SERINC5: variants seen among roughly 807,000 people sequenced by gnomAD.
The protein encoded by SERINC5 is chromosome 5 open reading frame 12.
A neutral mutation model predicts 63.1 loss-of-function variants in SERINC5; 41 were observed. That is an observed-to-expected ratio of 0.65 (90% CI 0.51 to 0.84). SERINC5 has a LOEUF of 0.84. Ranked by LOEUF, SERINC5 falls within the 40% of genes least tolerant of loss-of-function variation. The pLI is 0.00. For missense variants in SERINC5, 523 were observed against 573.0 expected, an observed-to-expected ratio of 0.91 and a Z score of 0.89; for synonymous variants, 222 against 215.2, an observed-to-expected ratio of 1.03 and a Z score of -0.28.
chr5:80,235,759 G>A (rs1751659174), intron 1 of SERINC5, among the ~76,000 whole-genome samples: 2 of 152,134 alleles, frequency 1.3e-5, no homozygotes, highest in South Asian at 2.1e-4. Context: ...ACCGCGCCTG[G>A]CTGAATTGTA....
At chr5:80,245,502 A>T (rs1752130594) in intron 1 of SERINC5, among the ~76,000 whole-genome samples, 2 of 152,212 alleles carry the variant, frequency 1.3e-5, no homozygotes, top group South Asian at 4.1e-4. Context: ...GCACAGTCTC[A>T]TAGGCTAGCA....
intron 1 of SERINC5, among the ~76,000 whole-genome samples, chr5:80,206,690 C>T (rs1472495964): frequency 6.6e-6 from 1 of 152,098 alleles, no homozygotes; most frequent in Non-Finnish European, 1.5e-5. Flanking sequence ...GACCTCTTTC[C>T]ACTCACATGC....
rs543132997 is a variant in SERINC5, at chr5:80,121,044, C to T, written c.1239-7419G>A. 2.3e-3 allele frequency among the ~76,000 whole-genome samples: 352 copies of T among 152,146 alleles called. 3 individuals are homozygous for T. The highest frequency in any genetic ancestry group is 8.2e-3 in the African/African-American group (341 of 41,562). On this transcript the variant is annotated intron_variant, in intron 11 of 12. Transcript: ENST00000509193. The stretch of plus-strand genomic sequence containing the variant: ...CTGGGACTATAGGCATGTGCCACCA[C>T]ACCTGGCTAATTTTATATTTTTAGT...
chr5:80,236,634 TC>T (rs1373561567), intron 1 of SERINC5, among the ~76,000 whole-genome samples: 7 of 151,548 alleles, frequency 4.6e-5, no homozygotes, highest in African/African-American at 1.7e-4. Context: ...CAAGCAATTC[TC>T]CTGCCTCAGT....
At chr5:80,171,014 A>G (rs183591429) in intron 5 of SERINC5, among the ~76,000 whole-genome samples, 20 of 151,880 alleles carry the variant, frequency 1.3e-4, no homozygotes, top group Admixed American at 1.2e-3. Context: ...TAAATTTTTT[A>G]TTTTATTTTT....
At chr5:80,224,014 T>C (rs1393364945) in intron 1 of SERINC5, among the ~76,000 whole-genome samples, 3 of 150,140 alleles carry the variant, frequency 2.0e-5, no homozygotes, top group Non-Finnish European at 4.4e-5. Context: ...GCGCCTGTAA[T>C]CCTAGCTACT....
At position 80,141,502 on chromosome 5, in the gene SERINC5, G is replaced by A. The variant is rs960841174; in HGVS notation, c.*2161C>T. ...CACCAGCTGGCAGCCAGACCCAGCC[G>A]AGAGGACAAAGCAAGGGCTCTGCTA... On this transcript the variant is annotated 3_prime_UTR_variant, in exon 12 of 12. Transcript: ENST00000507668. 4 of 985,432 alleles carry A rather than the reference G, an allele frequency of 4.1e-6. No homozygotes were observed. Among genetic ancestry groups the A allele is most frequent in the African/African-American group, 1.7e-5 (1 of 57,260 alleles). The allele number at this position is 985,432 out of a possible 1,614,324, so 61.0% of individuals were successfully genotyped here. A position where few individuals can be genotyped will look rare whatever the true frequency, so the allele number is the denominator to read the frequency against.
At chr5:80,160,299 C>G (rs1255541184) in intron 7 of SERINC5, among the ~76,000 whole-genome samples, 1 of 152,142 alleles carries the variant, frequency 6.6e-6, no homozygotes, top group African/African-American at 2.4e-5. Flanking sequence ...CTGAGTTATT[C>G]TAAACACTAC....
At chr5:80,123,721 C>T (rs575432532) in intron 11 of SERINC5, among the ~76,000 whole-genome samples, 9 of 152,188 alleles carry the variant, frequency 5.9e-5, no homozygotes, top group Non-Finnish European at 8.8e-5. Flanking sequence ...ATGTGCTCAC[C>T]TTCACTCTCC....
At chr5:80,226,947 G>A (rs1751195596) in intron 1 of SERINC5, among the ~76,000 whole-genome samples, 1 of 152,144 alleles carries the variant, frequency 6.6e-6, no homozygotes. Context: ...CAGAGCTGGA[G>A]TGCAGTGGCA....
At position 80,142,878 on chromosome 5, in the gene SERINC5, G is replaced by A. The variant is rs1745594192; in HGVS notation, c.*785C>T. On this transcript the variant is annotated 3_prime_UTR_variant, in exon 12 of 12. Coordinates refer to ENST00000507668, the MANE Select transcript of SERINC5 (RefSeq NM_001174072.3). The stretch of plus-strand genomic sequence containing the variant: ...AACATGAATCTTGTTCTATAATCAT[G>A]TGAATAACACCATAAATAAGCGCCG... 1.4e-5 allele frequency: 14 copies of A among 985,294 alleles called. No individual in the cohort carries two copies. The highest frequency in any genetic ancestry group is 5.2e-5 in the African/African-American group (3 of 57,222). 61.0% of individuals were successfully genotyped at this position (985,294 alleles called of 1,614,324 possible). A position where few individuals can be genotyped will look rare whatever the true frequency, so the allele number is the denominator to read the frequency against.
At chr5:80,168,215 G>A (rs76975518) in intron 6 of SERINC5, among the ~76,000 whole-genome samples, 103 of 145,456 alleles carry the variant, frequency 7.1e-4, no homozygotes, top group Non-Finnish European at 1.2e-3. Flanking sequence ...TTTTTTTTTC[G>A]ACACAGAGTC....
intron 2 of SERINC5, among the ~76,000 whole-genome samples, chr5:80,186,019 C>T (rs775791467): frequency 6.1e-5 from 9 of 147,956 alleles, no homozygotes; most frequent in Admixed American, 3.5e-4. Flanking sequence ...TAATGCATTC[C>T]GATTTAAACA....
intron 11 of SERINC5, among the ~76,000 whole-genome samples, chr5:80,124,592 C>T (rs1744670714): frequency 6.6e-6 from 1 of 152,180 alleles, no homozygotes. Context: ...GAAAGCTGCA[C>T]AGCCATGGGA....
chr5:80,155,871 C>A (rs1746490490), intron 8 of SERINC5, among the ~76,000 whole-genome samples: 1 of 152,066 alleles, frequency 6.6e-6, no homozygotes, highest in Non-Finnish European at 1.5e-5. Context: ...TGGAAGGAGG[C>A]TCTGGAGAGA....
At chr5:80,150,375 T>A (rs554952993) in intron 9 of SERINC5, among the ~76,000 whole-genome samples, 1 of 152,184 alleles carries the variant, frequency 6.6e-6, no homozygotes, top group Non-Finnish European at 1.5e-5. Context: ...AAATCAAGAA[T>A]GGACTGATTC....
chr5:80,227,205 C>T (rs917410911), intron 1 of SERINC5, among the ~76,000 whole-genome samples: 2 of 151,984 alleles, frequency 1.3e-5, no homozygotes, highest in African/African-American at 4.8e-5. Context: ...CTATGCCCTA[C>T]TTTTATAATC....
chr5:80,160,964 G>GTATA (rs111930431), intron 7 of SERINC5, among the ~76,000 whole-genome samples: 25 of 148,562 alleles, frequency 1.7e-4, no homozygotes, highest in South Asian at 4.2e-4. Flanking sequence ...ATATGTGTGT[G>GTATA]TATATATATG....
chr5:80,203,083 G>C (rs1561422774), intron 1 of SERINC5, 30 bp from the exon 2 acceptor site: 1 of 1,565,676 alleles, frequency 6.4e-7, no homozygotes, highest in East Asian at 2.3e-5. Context: ...CATCTGCTTA[G>C]AGCATGATAC....
Sources: allele counts gnomAD v4.1 joint callset (sites outside exome capture counted in the v4.1 genomes callset), GRCh38; gene constraint gnomAD v4.1.1; transcripts MANE v1.5; gene names NCBI Gene and HGNC (gene_info 2026-07-23, HGNC 2026-07-21).